ENG: variants seen among roughly 807,000 people sequenced by gnomAD.
The protein encoded by ENG is endoglin, also known as CD105 antigen.
In ENG, 17 loss-of-function variants were observed where a neutral mutation model predicts 71.0. That is an observed-to-expected ratio of 0.24 (90% CI 0.16 to 0.36). The LOEUF (loss-of-function observed/expected upper bound fraction) is 0.36, where lower values mean the gene tolerates loss of function less well. Among genes scored for constraint, ENG ranks in the 10% least tolerant of loss-of-function variants. The pLI is 1.00. For synonymous variants in ENG, 360 were observed against 366.9 expected, an observed-to-expected ratio of 0.98 and a Z score of 0.21; for missense variants, 749 against 868.3, an observed-to-expected ratio of 0.86 and a Z score of 1.73.
chr9:127,835,341 G>C (rs1237243562), intron 2 of ENG, among the ~76,000 whole-genome samples: 1 of 152,214 alleles, frequency 6.6e-6, no homozygotes, highest in Non-Finnish European at 1.5e-5. Flanking sequence ...CGTGGTGCCA[G>C]AGCGGGGCCT....
At chr9:127,853,827 G>A (rs773519360) in intron 1 of ENG, among the ~76,000 whole-genome samples, 7 of 152,236 alleles carry the variant, frequency 4.6e-5, no homozygotes, top group African/African-American at 7.2e-5. Context: ...TTCGCTCAGA[G>A]GCCCGAAGGC....
rs1045706956 is a variant in ENG at position 127,838,523 on chromosome 9, G to A, written c.219+4571C>T. Among the ~76,000 whole-genome samples, 3 of 152,184 alleles carry A rather than the reference G, an allele frequency of 2.0e-5. No homozygotes were observed. In the South Asian group the frequency reaches 6.2e-4, roughly 31 times the overall value. On this transcript the variant is annotated intron_variant, in intron 2 of 14. Coordinates refer to ENST00000373203, the MANE Select transcript of ENG (RefSeq NM_001114753.3). The surrounding 1 kb of genome is among the most constrained non-coding windows in gnomAD (Gnocchi z 4.3). ...TGGTGTTGCCTGCCCCTCTGGTCAAGAGTGAGTCAGTGCTGGGGCCTGACA... is the reference window on the plus strand; with the variant it reads ...TGGTGTTGCCTGCCCCTCTGGTCAAAAGTGAGTCAGTGCTGGGGCCTGACA...
At position 127,826,638 on chromosome 9, in the gene ENG, C is replaced by A. The variant is rs370999741; in HGVS notation, c.395G>T (p.Gly132Val). 1.2e-6 allele frequency: 2 copies of A among 1,613,868 alleles called. No homozygotes were observed. The highest frequency in any genetic ancestry group is 2.7e-5 in the African/African-American group (2 of 74,880). ...GGATGGCAGCTCTGTGGTGTTGACC[C>A]CCGGGGGCTCTTGGAAGGTGACCAG... ...SSLVTFQEPP[G>V]VNTTELPSFP... The change falls in exon 4 of 15, where the codon GGG (glycine) becomes GTG (valine). Residue 132 changes from glycine to valine, a missense_variant. Gly to Val is a moderately radical substitution (Grantham distance 109, BLOSUM62 -3). Transcript: ENST00000373203.
chr9:127,842,025 C>T lies in ENG; in HGVS notation c.219+1069G>A, dbSNP rs150239541. 3.8e-3 allele frequency among the ~76,000 whole-genome samples: 583 copies of T among 152,266 alleles called. 2 individuals are homozygous for T. The highest frequency in any genetic ancestry group is 0.013 in the African/African-American group (554 of 41,538). ...CCCTAGCACAGTCTCTAGCACATAG[C>T]GCTTAACAAAGGTGTTGTTATTATT... On this transcript the variant is annotated intron_variant, in intron 2 of 14. Coordinates refer to ENST00000373203, the MANE Select transcript of ENG (RefSeq NM_001114753.3).
Position 127,819,981 on chromosome 9 carries a change from C to T in ENG, c.1191G>A (p.Glu397=). 6.2e-7 allele frequency: 1 copy of T among 1,614,224 alleles called. No homozygotes were observed. The highest frequency in any genetic ancestry group is 8.5e-7 in the Non-Finnish European group (1 of 1,180,040). ...GCAAGACAAACTTGTCACCCCTGTC[C>T]TCTGCCTCACAGCTGGGGTCCCAGA... ...LTFWDPSCEA[E]DRGDKFVLRS... The change falls in exon 9 of 15, where the codon GAG becomes GAA. Residue 397 remains glutamate, a synonymous_variant. Coordinates refer to ENST00000373203, the MANE Select transcript of ENG (RefSeq NM_001114753.3).
intron 7 of ENG, 66 bp from the exon 8 acceptor site, chr9:127,824,512 C>CTTTTTTTTTTTT: frequency 1.5e-6 from 1 of 684,880 alleles, no homozygotes; most frequent in Non-Finnish European, 1.9e-6. Flanking sequence ...CCGCACCAGG[C>CTTTTTTTTTTTT]TTTTTTTTTT....
chr9:127,825,772 G>A lies in ENG; in HGVS notation c.612C>T (p.Val204=). The stretch of plus-strand genomic sequence containing the variant: ...CCACGCCTTCCAAGTGGCAGCCCCG[G>A]ACCAAGGCTGGAGTACGCGGCCGCC... ...LEWRPRTPAL[V]RGCHLEGVAG... The change falls in exon 5 of 15, where the codon GTC becomes GTT. Residue 204 remains valine (V), a synonymous_variant. Transcript: ENST00000373203. 1 of 1,598,414 alleles carries A rather than the reference G, an allele frequency of 6.3e-7. No homozygotes were observed. Among genetic ancestry groups the A allele is most frequent in the South Asian group, 1.1e-5 (1 of 88,774 alleles).
rs1428780919 is a variant in ENG, at chr9:127,825,631, G to GT, written c.689+63_689+64insA. On this transcript the variant is annotated intron_variant, in intron 5 of 14. Coordinates refer to ENST00000373203, the MANE Select transcript of ENG (RefSeq NM_001114753.3). Reference sequence around the variant, plus strand: ...TTATAAGGGACCGGAGAGGGGGCGGGGGGGGTCAGGGGGGTGGTCTCTCGG... The same window carrying GT: ...TTATAAGGGACCGGAGAGGGGGCGGGTGGGGGTCAGGGGGGTGGTCTCTCGG... 13 of 1,407,496 alleles carry GT rather than the reference G, an allele frequency of 9.2e-6. No homozygotes were observed. The South Asian group carries it at 1.5e-4, about 16-fold the overall frequency. 87.2% of individuals were successfully genotyped at this position (1,407,496 alleles called of 1,614,324 possible).
intron 2 of ENG, among the ~76,000 whole-genome samples, chr9:127,839,436 C>T (rs1183984894): frequency 6.6e-6 from 1 of 152,206 alleles, no homozygotes; most frequent in African/African-American, 2.4e-5. Context: ...ATCATGGGCT[C>T]AACCCTCAGA....
At chr9:127,847,357 T>TAAC (rs1162710921) in intron 1 of ENG, among the ~76,000 whole-genome samples, 1 of 152,272 alleles carries the variant, frequency 6.6e-6, no homozygotes, top group East Asian at 1.9e-4. Context: ...TTTGATGGGG[T>TAAC]AACCCCTGTT....
At chr9:127,824,046 C>T (rs1184888231) in intron 8 of ENG, among the ~76,000 whole-genome samples, 1 of 152,154 alleles carries the variant, frequency 6.6e-6, no homozygotes. Flanking sequence ...ATGACAACTA[C>T]CTAGTGCTGG....
chr9:127,834,643 TC>T (rs1208386150), intron 2 of ENG, among the ~76,000 whole-genome samples: 1 of 151,824 alleles, frequency 6.6e-6, no homozygotes, highest in Non-Finnish European at 1.5e-5. Flanking sequence ...GACCTCATGA[TC>T]CCTACGCCTC....
At chr9:127,828,456 G>A (rs1830679996) in intron 3 of ENG, among the ~76,000 whole-genome samples, 1 of 152,214 alleles carries the variant, frequency 6.6e-6, no homozygotes, top group African/African-American at 2.4e-5. Context: ...GGGAAGCAGC[G>A]CGGCCCCAGG....
rs1434958304 is a variant in ENG at position 127,838,062 on chromosome 9, G to A, written c.219+5032C>T. Among the ~76,000 whole-genome samples the A allele has an allele frequency of 6.6e-6, 1 of 152,158 alleles. No homozygotes were observed. Among genetic ancestry groups the A allele is most frequent in the Non-Finnish European group, 1.5e-5 (1 of 68,024 alleles). ...AGCAAGGGTGCTCATGTGTCCACAT[G>A]TGGACAGCTCAGCCCGGATACCCAA... On this transcript the variant is annotated intron_variant, in intron 2 of 14. Transcript: ENST00000373203. The surrounding 1 kb of genome is among the most constrained non-coding windows in gnomAD (Gnocchi z 4.3).
At chr9:127,817,256 G>A in intron 12 of ENG, 53 bp from the exon 13 acceptor site, 1 of 1,599,224 alleles carries the variant, frequency 6.3e-7, no homozygotes, top group South Asian at 1.1e-5. Flanking sequence ...CGGCTTCCAG[G>A]TTTACTCCCT....
intron 5 of ENG, among the ~76,000 whole-genome samples, 159 bp from the exon 6 acceptor site, chr9:127,825,516 G>GGCTTGT (rs1032695021): frequency 4.0e-5 from 6 of 151,384 alleles, no homozygotes; most frequent in African/African-American, 1.5e-4. Context: ...AAAGGGAAGG[G>GGCTTGT]GCCCATAGGG....
chr9:127,817,165 G>C lies in ENG; in HGVS notation c.1725C>G (p.Ile575Met), dbSNP rs1333193699. 4 of 1,614,202 alleles carry C rather than the reference G, an allele frequency of 2.5e-6. No individual in the cohort carries two copies. The highest frequency in any genetic ancestry group is 2.5e-6 in the Non-Finnish European group (3 of 1,180,034). ...GGAGCTCACCAGACAGGTCAGGGCT[G>C]ATGATGTTCAAGCGCATGAAGACAG... Reference protein sequence around the residue: ...HRTVFMRLNIISPDLSGCTSK... With the variant: ...HRTVFMRLNIMSPDLSGCTSK... The change falls in exon 13 of 15, where the codon ATC (isoleucine) becomes ATG (methionine). Residue 575 changes from isoleucine (I) to methionine (M), a missense_variant. Physicochemically the swap from Ile to Met is conservative, Grantham distance 10. Transcript: ENST00000373203.
chr9:127,821,880 TAAAAAAAAAAAAAAA>T (rs34166162), intron 8 of ENG, among the ~76,000 whole-genome samples: 1 of 53,052 alleles, frequency 1.9e-5, no homozygotes, highest in Non-Finnish European at 3.6e-5. Context: ...GAGACTGTCT[TAAAAAAAAAAAAAAA>T]AAAAAAAAGC....
In ENG at chr9:127,819,533, G is replaced by A. The variant is rs368202311; in HGVS notation, c.1311+89C>T. 6.3e-5 allele frequency: 100 copies of A among 1,578,004 alleles called. No individual in the cohort carries two copies. The South Asian group carries it at 6.7e-4, about 11-fold the overall frequency. On this transcript the variant is annotated intron_variant, in intron 10 of 14. Transcript: ENST00000373203. ...ACACATGGCTTGCCAGGAGTTTCCC[G>A]AGGCCTGCTCCCTCCCAGGCCAGGA...
Sources: allele counts gnomAD v4.1 joint callset (sites outside exome capture counted in the v4.1 genomes callset), GRCh38; gene constraint gnomAD v4.1.1; non-coding constraint Gnocchi (gnomAD v3.1); transcripts MANE v1.5; gene names NCBI Gene and HGNC (gene_info 2026-07-23, HGNC 2026-07-21).